Variants in RBFOX2 observed in about 807,000 individuals in gnomAD.
The protein encoded by RBFOX2 is RNA binding protein fox-1 homolog 2.
A neutral mutation model predicts 49.1 loss-of-function variants in RBFOX2; 10 were observed. The observed-to-expected ratio is 0.20, with a 90% CI of 0.13 to 0.35. RBFOX2 has a LOEUF of 0.35. Ranked by LOEUF, RBFOX2 falls within the 10% of genes least tolerant of loss-of-function variation. RBFOX2 has a pLI of 1.00. For synonymous variants in RBFOX2, 183 were observed against 187.4 expected (o/e 0.98, Z 0.19); for missense variants, 323 against 486.9 (o/e 0.66, Z 3.17).
intron 2 of RBFOX2, among the ~76,000 whole-genome samples, chr22:35,793,627 C>T (rs1180282466): frequency 1.3e-5 from 2 of 152,092 alleles, no homozygotes; most frequent in Non-Finnish European, 2.9e-5. Context: ...AATATCACCA[C>T]CAAAACAATT....
chr22:35,781,095 T>A (rs1345367782), intron 3 of RBFOX2, among the ~76,000 whole-genome samples: 2 of 152,202 alleles, frequency 1.3e-5, no homozygotes, highest in Non-Finnish European at 2.9e-5. Flanking sequence ...GCTGGGGATT[T>A]TGTAAACATA....
chr22:35,977,148 C>G (rs2150041313), intron 1 of RBFOX2, among the ~76,000 whole-genome samples: 1 of 151,996 alleles, frequency 6.6e-6, no homozygotes, highest in African/African-American at 2.4e-5. Context: ...CATTATATAC[C>G]TATCAGAAGG....
At chr22:35,989,940 G>A (rs1603462636) in intron 1 of RBFOX2, among the ~76,000 whole-genome samples, 1 of 152,162 alleles carries the variant, frequency 6.6e-6, no homozygotes. Context: ...CCAGCAGTTT[G>A]GGAGGCCAAG....
intron 1 of RBFOX2, among the ~76,000 whole-genome samples, chr22:35,903,084 C>A (rs139704793): frequency 6.6e-6 from 1 of 151,874 alleles, no homozygotes; most frequent in East Asian, 1.9e-4. Flanking sequence ...TCTCCTTTGA[C>A]CCCTCATCTC....
chr22:36,018,767 C>A (rs1319631073), intron 1 of RBFOX2, among the ~76,000 whole-genome samples: 1 of 152,210 alleles, frequency 6.6e-6, no homozygotes, highest in Non-Finnish European at 1.5e-5. Flanking sequence ...GCATGCGCCA[C>A]CACGCCCAGC....
chr22:35,906,445 AC>A (rs2049139136), intron 1 of RBFOX2, among the ~76,000 whole-genome samples: 1 of 152,220 alleles, frequency 6.6e-6, no homozygotes, highest in African/African-American at 2.4e-5. Flanking sequence ...GCTTCAAAAA[AC>A]AAAAGAAAAA....
At chr22:35,898,324 C>G in intron 1 of RBFOX2, 1 of 717,600 alleles carries the variant, frequency 1.4e-6, no homozygotes, top group Non-Finnish European at 2.6e-6. Flanking sequence ...GGCTGTGACA[C>G]ACGGATGTGG....
chr22:35,845,926 T>C (rs1049652458), intron 1 of RBFOX2, among the ~76,000 whole-genome samples: 13 of 152,090 alleles, frequency 8.5e-5, no homozygotes, highest in African/African-American at 2.9e-4. Context: ...ACACAGTAGG[T>C]ACTCAAAAAA....
At chr22:35,768,619 T>A (rs1486672589) in intron 4 of RBFOX2, among the ~76,000 whole-genome samples, 3 of 152,168 alleles carry the variant, frequency 2.0e-5, no homozygotes, top group Non-Finnish European at 4.4e-5. Context: ...AGACCAAAAT[T>A]AAGGTACAGA....
intron 1 of RBFOX2, among the ~76,000 whole-genome samples, chr22:35,974,635 C>A (rs1212199931): frequency 2.6e-5 from 4 of 152,016 alleles, no homozygotes; most frequent in African/African-American, 9.7e-5. Flanking sequence ...TGTGGTGAGC[C>A]GAGATCGCAC....
chr22:35,863,664 T>A (rs985954334), intron 1 of RBFOX2, among the ~76,000 whole-genome samples: 1 of 152,178 alleles, frequency 6.6e-6, no homozygotes, highest in Non-Finnish European at 1.5e-5. Flanking sequence ...CCTTGATCCA[T>A]TCAGACCTGT....
intron 6 of RBFOX2, among the ~76,000 whole-genome samples, chr22:35,762,532 A>T (rs1939291124): frequency 7.3e-6 from 1 of 137,802 alleles, no homozygotes; most frequent in Admixed American, 7.5e-5. Context: ...TTTGAGACAG[A>T]GTCTTGCTCT....
chr22:36,023,108 T>C (rs2059306519), intron 1 of RBFOX2, among the ~76,000 whole-genome samples: 1 of 151,982 alleles, frequency 6.6e-6, no homozygotes, highest in African/African-American at 2.4e-5. Context: ...TCTTGAATGG[T>C]AGCACCATGC....
intron 1 of RBFOX2, among the ~76,000 whole-genome samples, chr22:35,977,737 T>TAG (rs1569517060): frequency 4.1e-4 from 55 of 135,724 alleles, no homozygotes; most frequent in African/African-American, 1.5e-3. Flanking sequence ...TATATATATA[T>TAG]ATATATATAT....
At chr22:35,843,800 T>A (rs1367225739), upstream of RBFOX2, among the ~76,000 whole-genome samples, 1 of 152,180 alleles carries the variant, frequency 6.6e-6, no homozygotes, top group African/African-American at 2.4e-5. Context: ...AAGTGCATGG[T>A]TCCTAACACA....
intron 1 of RBFOX2, among the ~76,000 whole-genome samples, chr22:35,852,486 TAA>T (rs576605291): frequency 1.4e-4 from 18 of 128,914 alleles, no homozygotes; most frequent in Non-Finnish European, 1.2e-4. Context: ...CCTTTCTTTT[TAA>T]AAAAAAAAAA....
At chr22:36,001,741 G>C (rs377632414) in intron 1 of RBFOX2, among the ~76,000 whole-genome samples, 39 of 151,294 alleles carry the variant, frequency 2.6e-4, no homozygotes, top group African/African-American at 9.0e-4. Context: ...CAGCCTGGAC[G>C]ACAGGGCAAG....
intron 1 of RBFOX2, chr22:35,995,037 G>C (rs1389021167): frequency 6.6e-6 from 1 of 152,210 alleles, no homozygotes. Flanking sequence ...CCCAAGCTGG[G>C]AAAGGACAGC....
intron 1 of RBFOX2, among the ~76,000 whole-genome samples, chr22:35,819,701 T>C (rs1188925713): frequency 6.6e-6 from 1 of 152,156 alleles, no homozygotes; most frequent in Non-Finnish European, 1.5e-5. Flanking sequence ...GAAACAACGA[T>C]GATTAAAAAG....
Sources: allele counts gnomAD v4.1 joint callset (sites outside exome capture counted in the v4.1 genomes callset), GRCh38; gene constraint gnomAD v4.1.1; transcripts MANE v1.5; gene names NCBI Gene and HGNC (gene_info 2026-07-23, HGNC 2026-07-21).